Variants in IMMP2L observed in about 807,000 individuals in gnomAD.
IMMP2L encodes mitochondrial inner membrane protease subunit 2.
Under a neutral mutation model 19.3 loss-of-function variants are expected in IMMP2L, and 18 were observed. The observed-to-expected ratio is 0.93, with a 90% CI of 0.64 to 1.38. The LOEUF is 1.38. Among genes scored for constraint, IMMP2L ranks in the 40% most tolerant of loss-of-function variants. The probability of loss-of-function intolerance (pLI) is 0.00; values close to 1 mark genes in which losing one functional copy is unlikely to be tolerated. For synonymous variants in IMMP2L, 76 were observed against 73.0 expected (o/e 1.04, Z -0.21); for missense variants, 233 against 218.2 (o/e 1.07, Z -0.43).
At chr7:110,937,033 T>C (rs1239178223) in intron 4 of IMMP2L, among the ~76,000 whole-genome samples, 1 of 151,954 alleles carries the variant, frequency 6.6e-6, no homozygotes, top group Non-Finnish European at 1.5e-5. Flanking sequence ...GAGGGGAACA[T>C]CACACACCAG....
intron 3 of IMMP2L, among the ~76,000 whole-genome samples, chr7:111,424,881 C>T (rs774164806): frequency 8.6e-5 from 13 of 151,694 alleles, no homozygotes; most frequent in Non-Finnish European, 1.8e-4. Flanking sequence ...GACTACCAGG[C>T]AAAATTCTTT....
At chr7:110,735,615 C>A (rs987634831) in intron 5 of IMMP2L, among the ~76,000 whole-genome samples, 28 of 145,568 alleles carry the variant, frequency 1.9e-4, no homozygotes, top group Admixed American at 8.4e-4. Flanking sequence ...GGCAACATGG[C>A]AAAACTCTGT....
intron 3 of IMMP2L, among the ~76,000 whole-genome samples, chr7:111,238,263 G>C (rs1814576337): frequency 6.6e-6 from 1 of 152,004 alleles, no homozygotes. Flanking sequence ...ATGTATTACA[G>C]GGTAGAGAAG....
intron 3 of IMMP2L, among the ~76,000 whole-genome samples, chr7:111,485,647 A>G (rs1842594719): frequency 6.7e-6 from 1 of 148,592 alleles, no homozygotes; most frequent in Non-Finnish European, 1.5e-5. Context: ...TGGAATAGCT[A>G]TAATTTATAT....
chr7:110,975,436 CAATT>C (rs1433711938), intron 3 of IMMP2L, among the ~76,000 whole-genome samples: 2 of 152,114 alleles, frequency 1.3e-5, no homozygotes, highest in African/African-American at 4.8e-5. Flanking sequence ...CAAAGAGACT[CAATT>C]AATTATTTGC....
intron 5 of IMMP2L, among the ~76,000 whole-genome samples, chr7:110,748,564 G>C (rs879569267): frequency 6.6e-6 from 1 of 152,106 alleles, no homozygotes; most frequent in South Asian, 2.1e-4. Flanking sequence ...TAGACCAACG[G>C]AACAGAAGAG....
chr7:111,054,921 A>G (rs1793356814), intron 3 of IMMP2L, among the ~76,000 whole-genome samples: 1 of 152,216 alleles, frequency 6.6e-6, no homozygotes, highest in Non-Finnish European at 1.5e-5. Context: ...ATTCTTCACT[A>G]GAAAACCAAA....
At chr7:110,724,610 G>A (rs1795775280) in intron 5 of IMMP2L, 1 of 151,600 alleles carries the variant, frequency 6.6e-6, no homozygotes, top group Non-Finnish European at 1.5e-5. Flanking sequence ...AAGAGAAAAT[G>A]TCTTCAGCAT....
chr7:111,436,514 C>T (rs1837181220), intron 3 of IMMP2L, among the ~76,000 whole-genome samples: 1 of 151,240 alleles, frequency 6.6e-6, no homozygotes, highest in Non-Finnish European at 1.5e-5. Flanking sequence ...TTTTCTTACA[C>T]ACACACATAC....
At chr7:110,825,375 C>T (rs1421502002) in intron 5 of IMMP2L, among the ~76,000 whole-genome samples, 1 of 152,118 alleles carries the variant, frequency 6.6e-6, no homozygotes, top group Non-Finnish European at 1.5e-5. Flanking sequence ...GCCCGCATTG[C>T]CAAGTCAATC....
At chr7:110,899,249 G>A (rs1225347974) in intron 4 of IMMP2L, among the ~76,000 whole-genome samples, 1 of 152,094 alleles carries the variant, frequency 6.6e-6, no homozygotes, top group East Asian at 1.9e-4. Context: ...CCACTAGAAT[G>A]TGGTTAAATT....
At chr7:110,982,192 T>C (rs1821376077) in intron 3 of IMMP2L, among the ~76,000 whole-genome samples, 2 of 152,138 alleles carry the variant, frequency 1.3e-5, no homozygotes, top group African/African-American at 4.8e-5. Context: ...ATTCTCATGT[T>C]TTCAAAAACA....
intron 5 of IMMP2L, among the ~76,000 whole-genome samples, chr7:110,682,032 T>C (rs949882036): frequency 6.6e-6 from 1 of 152,182 alleles, no homozygotes; most frequent in East Asian, 1.9e-4. Flanking sequence ...CCAACTTTCC[T>C]AGTGTGGCAT....
intron 3 of IMMP2L, among the ~76,000 whole-genome samples, chr7:111,052,199 G>A (rs1793069836): frequency 6.6e-6 from 1 of 152,140 alleles, no homozygotes; most frequent in Non-Finnish European, 1.5e-5. Flanking sequence ...CATCTCTTGT[G>A]GAGGAAATAT....
chr7:111,515,683 G>A (rs1845819308), intron 2 of IMMP2L, among the ~76,000 whole-genome samples: 1 of 152,006 alleles, frequency 6.6e-6, no homozygotes, highest in African/African-American at 2.4e-5. Context: ...ATTTCAAGAT[G>A]TTTCATCTGC....
intron 4 of IMMP2L, among the ~76,000 whole-genome samples, chr7:110,940,539 A>G (rs1342915548): frequency 6.6e-6 from 1 of 152,148 alleles, no homozygotes; most frequent in Non-Finnish European, 1.5e-5. Context: ...GCATTGGCAC[A>G]TCAAGATAGA....
chr7:111,018,159 T>C (rs773496677), intron 3 of IMMP2L, among the ~76,000 whole-genome samples: 6 of 152,174 alleles, frequency 3.9e-5, no homozygotes, highest in Non-Finnish European at 7.3e-5. Context: ...GGAGGAGGAA[T>C]GTAATAATTT....
intron 5 of IMMP2L, among the ~76,000 whole-genome samples, chr7:110,794,460 C>T (rs1800719393): frequency 6.6e-6 from 1 of 152,040 alleles, no homozygotes; most frequent in African/African-American, 2.4e-5. Context: ...ACTACGGAGA[C>T]AGTTTTGTTT....
At chr7:111,251,195 G>GTTGCTTT (rs1190375275) in intron 3 of IMMP2L, among the ~76,000 whole-genome samples, 1 of 152,108 alleles carries the variant, frequency 6.6e-6, no homozygotes, top group Non-Finnish European at 1.5e-5. Flanking sequence ...AAATCACAAT[G>GTTGCTTT]AGATACCATC....
Sources: gnomAD v4.1 joint callset for allele counts (sites outside exome capture counted in the v4.1 genomes callset) on GRCh38, gnomAD v4.1.1 for gene constraint, MANE v1.5 for transcripts, NCBI Gene and HGNC (gene_info 2026-07-23, HGNC 2026-07-21) for gene names.